CFAP54: variants seen among roughly 807,000 people sequenced by gnomAD.
The protein encoded by CFAP54 is cilia and flagella associated protein 54.
Under a neutral mutation model 370.4 loss-of-function variants are expected in CFAP54, and 290 were observed. That is an observed-to-expected ratio of 0.78 (90% CI 0.71 to 0.86). CFAP54 has a LOEUF of 0.86. Ranked by LOEUF, CFAP54 falls within the 40% of genes least tolerant of loss-of-function variation. The probability of loss-of-function intolerance (pLI) is 0.00; values close to 1 mark genes in which losing one functional copy is unlikely to be tolerated. For missense variants in CFAP54, 3,399 were observed against 3,528.7 expected, an observed-to-expected ratio of 0.96 and a Z score of 0.93; for synonymous variants, 1,206 against 1,236.5, an observed-to-expected ratio of 0.98 and a Z score of 0.52.
rs73379260 is a variant in CFAP54 at position 96,707,781 on chromosome 12, T to C, written c.6529-827T>C. On this transcript the variant is annotated intron_variant, in intron 47 of 67. Coordinates refer to ENST00000524981, the MANE Select transcript of CFAP54 (RefSeq NM_001306084.2). ...CAGATGCTCAGGTGGATGAAACAGA[T>C]GGAGGAGTTTGCTCTACTCTGACTG... Among the ~76,000 whole-genome samples, 241 of 152,082 alleles carry C rather than the reference T, an allele frequency of 1.6e-3. 1 individual carries two copies. The highest frequency in any genetic ancestry group is 5.2e-3 in the African/African-American group (216 of 41,478).
intron 32 of CFAP54, among the ~76,000 whole-genome samples, chr12:96,640,182 A>G (rs561327380): frequency 9.2e-5 from 14 of 152,288 alleles, no homozygotes; most frequent in Middle Eastern, 3.4e-3. Context: ...AGAAAACCCC[A>G]TTGTCTCAGC....
intron 66 of CFAP54, among the ~76,000 whole-genome samples, chr12:96,841,705 C>T (rs1352624978): frequency 3.9e-5 from 6 of 152,212 alleles, no homozygotes; most frequent in Non-Finnish European, 8.8e-5. Flanking sequence ...ACTTAGCACA[C>T]GTTCTAGTCC....
chr12:96,699,492 A>G (rs79441477), intron 45 of CFAP54, among the ~76,000 whole-genome samples: 1,882 of 152,304 alleles, frequency 0.012, 63 homozygotes, highest in East Asian at 0.1. Flanking sequence ...TTAAAATAAA[A>G]GTTAAAAATA....
intron 66 of CFAP54, among the ~76,000 whole-genome samples, chr12:96,833,502 G>T (rs377543339): frequency 9.1e-6 from 1 of 110,398 alleles, no homozygotes; most frequent in Non-Finnish European, 1.8e-5. Flanking sequence ...AATTACACAC[G>T]CGTACGTGTG....
chr12:96,594,664 C>A (rs1174240919), intron 25 of CFAP54, among the ~76,000 whole-genome samples: 1 of 152,098 alleles, frequency 6.6e-6, no homozygotes, highest in Non-Finnish European at 1.5e-5. Context: ...AAATATTCGT[C>A]CCTGTTCCTG....
At chr12:96,732,275 A>G (rs1957929950) in intron 50 of CFAP54, among the ~76,000 whole-genome samples, 2 of 151,996 alleles carry the variant, frequency 1.3e-5, no homozygotes, top group African/African-American at 4.8e-5. Context: ...ACAGGTGCAC[A>G]CTGTAGTGTG....
intron 15 of CFAP54, among the ~76,000 whole-genome samples, chr12:96,551,455 C>T (rs1373897613): frequency 6.7e-6 from 1 of 149,792 alleles, no homozygotes; most frequent in Admixed American, 6.7e-5. Flanking sequence ...TACTTAAGAA[C>T]CTTCCTGAGC....
At chr12:96,555,162 A>G (rs937093648) in intron 17 of CFAP54, among the ~76,000 whole-genome samples, 1 of 152,084 alleles carries the variant, frequency 6.6e-6, no homozygotes, top group African/African-American at 2.4e-5. Flanking sequence ...CTTCTAGATG[A>G]GTAAGCCAAC....
intron 64 of CFAP54, among the ~76,000 whole-genome samples, chr12:96,816,240 G>A (rs1958973493): frequency 6.6e-6 from 1 of 152,000 alleles, no homozygotes; most frequent in African/African-American, 2.4e-5. Context: ...TTATTTCCTT[G>A]AGCAGTGGTT....
At chr12:96,585,558 G>T (rs569079049) in intron 22 of CFAP54, among the ~76,000 whole-genome samples, 1 of 152,194 alleles carries the variant, frequency 6.6e-6, no homozygotes, top group South Asian at 2.1e-4. Context: ...CTGACCTCAG[G>T]TGATCTGCCC....
intron 64 of CFAP54, among the ~76,000 whole-genome samples, chr12:96,816,015 T>C (rs904974301): frequency 2.0e-5 from 3 of 152,244 alleles, no homozygotes; most frequent in African/African-American, 7.2e-5. Context: ...AGCTTTGTTC[T>C]TTTTGCTTAG....
Position 96,860,886 on chromosome 12 carries a change from G to A in CFAP54, c.9239G>A (p.Cys3080Tyr). Residue 3080 changes from cysteine (C) to tyrosine (Y), a missense_variant, in exon 67 of 68, where the codon TGC becomes TAC. Cys to Tyr is a radical substitution (Grantham distance 194, BLOSUM62 -2). This residue lies in a region of CFAP54 where 2,796 missense variants were observed against 2,869.7 expected (regional missense o/e 0.97). Coordinates refer to ENST00000524981, the MANE Select transcript of CFAP54 (RefSeq NM_001306084.2). ...AGACTTTTTGATCTGGCTAATGGTT[G>A]CATTTTATCAGGAGGAAGCCTTTTC... ...LERLFDLANG[C>Y]ILSGGSLFNW... 1.3e-6 allele frequency: 2 copies of A among 1,534,816 alleles called. No homozygotes were observed. Among genetic ancestry groups the A allele is most frequent in the Non-Finnish European group, 8.7e-7 (1 of 1,146,046 alleles).
At position 96,790,737 on chromosome 12, in the gene CFAP54, C is replaced by T. The variant is rs4762332; in HGVS notation, c.8680-1592C>T. ...AAGCACTTACAAATGATGATTTAAC[C>T]CTGCTAATCTTGCTTATTGTGTATT... On this transcript the variant is annotated intron_variant, in intron 62 of 67. Coordinates refer to ENST00000524981, the MANE Select transcript of CFAP54 (RefSeq NM_001306084.2). 9.5e-3 allele frequency among the ~76,000 whole-genome samples: 1,440 copies of T among 151,880 alleles called. 54 individuals are homozygous for T. The East Asian group carries it at 0.1, about 11-fold the overall frequency.
chr12:96,832,532 A>G (rs558939929), intron 66 of CFAP54, among the ~76,000 whole-genome samples: 29 of 152,076 alleles, frequency 1.9e-4, no homozygotes, highest in Non-Finnish European at 4.1e-4. Context: ...AGTATTTGTC[A>G]TAAGGCCTAG....
intron 22 of CFAP54, among the ~76,000 whole-genome samples, chr12:96,585,988 T>C (rs538943673): frequency 9.2e-5 from 14 of 152,148 alleles, no homozygotes; most frequent in Non-Finnish European, 1.9e-4. Flanking sequence ...TCTAACAACC[T>C]TGTTATAGTC....
intron 17 of CFAP54, among the ~76,000 whole-genome samples, chr12:96,559,181 A>C (rs1955789144): frequency 6.6e-6 from 1 of 152,078 alleles, no homozygotes; most frequent in Non-Finnish European, 1.5e-5. Flanking sequence ...ACTCCACTGC[A>C]CTCCAGCCTG....
At position 96,769,611 on chromosome 12, in the gene CFAP54, C is replaced by G. The variant is rs565349598; in HGVS notation, c.8281+4393C>G. Among the ~76,000 whole-genome samples the G allele has an allele frequency of 1.9e-3, 244 of 129,186 alleles. 1 individual carries two copies. The highest frequency in any genetic ancestry group is 7.4e-3 in the African/African-American group (234 of 31,732). The allele number at this position is 129,186 out of a possible 152,430, so 84.8% of individuals were successfully genotyped here. A position where few individuals can be genotyped will look rare whatever the true frequency, so the allele number is the denominator to read the frequency against. On this transcript the variant is annotated intron_variant, in intron 60 of 67. Coordinates refer to ENST00000524981, the MANE Select transcript of CFAP54 (RefSeq NM_001306084.2). Reference sequence around the variant, plus strand: ...TCTCCCTTCAGGGTGAGCAGATTAACTCTTTCTTTCTCTGGGCATGAGTGC... The same window carrying G: ...TCTCCCTTCAGGGTGAGCAGATTAAGTCTTTCTTTCTCTGGGCATGAGTGC...
At chr12:96,622,885 G>A (rs1444926251) in intron 27 of CFAP54, among the ~76,000 whole-genome samples, 3 of 152,132 alleles carry the variant, frequency 2.0e-5, no homozygotes, top group Non-Finnish European at 4.4e-5. Flanking sequence ...TAGTTGGAAG[G>A]ATGTTTTGTC....
rs1958032177 is a variant in CFAP54 at position 96,740,002 on chromosome 12, C to G, written c.7012C>G (p.Leu2338Val). Reference protein sequence around the residue: ...STLTLLQDSKLFEKKVVQDDT... With the variant: ...STLTLLQDSKVFEKKVVQDDT... ...ACTTACACTTCTCCAGGATTCAAAA[C>G]TTTTTGAAAAGAAGGTAGTACAGGA... is the stretch of plus-strand genomic sequence containing the variant. The change falls in exon 51 of 68, where the codon CTT becomes GTT. Residue 2338 changes from leucine (L) to valine (V), a missense_variant. Around this residue, in one of 3 missense-constraint regions of CFAP54, gnomAD observed 2,796 missense variants for 2,869.7 expected, o/e 0.97. Transcript: ENST00000524981. 2 of 1,606,580 alleles carry G rather than the reference C, an allele frequency of 1.2e-6. No homozygotes were observed. The highest frequency in any genetic ancestry group is 1.3e-5 in the African/African-American group (1 of 74,636).
Sources: allele counts gnomAD v4.1 joint callset (sites outside exome capture counted in the v4.1 genomes callset), GRCh38; gene constraint gnomAD v4.1.1; regional missense constraint gnomAD v4.1.1; transcripts MANE v1.5; gene names NCBI Gene and HGNC (gene_info 2026-07-23, HGNC 2026-07-21).